Variants in MTSS1 observed in about 807,000 individuals in gnomAD.
The protein encoded by MTSS1 is MTSS I-BAR domain containing 1, also known as protein MTSS 1.
Under a neutral mutation model 79.0 loss-of-function variants are expected in MTSS1, and 18 were observed. That is an observed-to-expected ratio of 0.23 (90% CI 0.16 to 0.34). The LOEUF (loss-of-function observed/expected upper bound fraction) is 0.34, where lower values mean the gene tolerates loss of function less well. MTSS1 is among the 10% of genes least tolerant of loss of function. The probability of loss-of-function intolerance (pLI) is 1.00; values close to 1 mark genes in which losing one functional copy is unlikely to be tolerated. For missense variants in MTSS1, 815 were observed against 986.2 expected, an observed-to-expected ratio of 0.83 and a Z score of 2.33; for synonymous variants, 341 against 368.6, an observed-to-expected ratio of 0.93 and a Z score of 0.86.
intron 2 of MTSS1, among the ~76,000 whole-genome samples, chr8:124,702,585 A>G (rs1587888329): frequency 6.6e-6 from 1 of 152,172 alleles, no homozygotes; most frequent in East Asian, 1.9e-4. Context: ...TTTAGTCTAT[A>G]GGGCACCATG....
intron 3 of MTSS1, among the ~76,000 whole-genome samples, chr8:124,648,141 C>G (rs1819314098): frequency 6.6e-6 from 1 of 152,058 alleles, no homozygotes; most frequent in African/African-American, 2.4e-5. Context: ...CATTTCAAAG[C>G]CTTTTATTAA....
At chr8:124,680,593 T>A (rs1003278111) in intron 3 of MTSS1, among the ~76,000 whole-genome samples, 3 of 152,246 alleles carry the variant, frequency 2.0e-5, no homozygotes, top group Non-Finnish European at 4.4e-5. Context: ...TCTACAGCAC[T>A]AATAGCATAT....
chr8:124,589,048 T>G lies in MTSS1; in HGVS notation c.385+572A>C, dbSNP rs1450555442. 2.0e-5 allele frequency among the ~76,000 whole-genome samples: 3 copies of G among 150,718 alleles called. No homozygotes were observed. The East Asian group carries it at 5.9e-4, about 30-fold the overall frequency. On this transcript the variant is annotated intron_variant, in intron 5 of 13. Coordinates refer to ENST00000518547, the MANE Select transcript of MTSS1 (RefSeq NM_014751.6). ...CTTCTTTTTCTTTTTTTTTGTTTTT[T>G]GAGATGGAGTCTCACTCTGTCGTCC...
At chr8:124,691,547 G>A (rs1827936079) in intron 3 of MTSS1, among the ~76,000 whole-genome samples, 1 of 151,240 alleles carries the variant, frequency 6.6e-6, no homozygotes, top group African/African-American at 2.4e-5. Context: ...ACCAAGTCTT[G>A]CTCTGTTGCC....
chr8:124,661,306 C>T (rs2134382561), intron 3 of MTSS1, among the ~76,000 whole-genome samples: 1 of 151,820 alleles, frequency 6.6e-6, no homozygotes, highest in Admixed American at 6.5e-5. Context: ...TAGACGTGTC[C>T]CTTTATTTTC....
intron 4 of MTSS1, 48 bp downstream of exon 4, chr8:124,591,103 T>A: frequency 6.6e-7 from 1 of 1,514,414 alleles, no homozygotes; most frequent in Non-Finnish European, 9.2e-7. Context: ...TTCCTTAACC[T>A]GAAATCTGCA....
At chr8:124,592,749 A>G (rs115014660) in intron 3 of MTSS1, among the ~76,000 whole-genome samples, 125 of 152,318 alleles carry the variant, frequency 8.2e-4, no homozygotes, top group African/African-American at 2.7e-3. Context: ...GGTTTTCTCA[A>G]TCTGGACAAT....
At position 124,676,844 on chromosome 8, in the gene MTSS1, A is replaced by G. The variant is rs977062710; in HGVS notation, c.208+22682T>C. Among the ~76,000 whole-genome samples the G allele has an allele frequency of 4.1e-4, 63 of 152,158 alleles. 1 individual carries two copies. Among genetic ancestry groups the G allele is most frequent in the Admixed American group, 9.2e-4 (14 of 15,270 alleles). On this transcript the variant is annotated intron_variant, in intron 3 of 13. Coordinates refer to ENST00000518547, the MANE Select transcript of MTSS1 (RefSeq NM_014751.6). ...AGGCCTGCCAGACCCAGTCCCATCA[A>G]TCAGCCAGCCACGGGCACAAAACAC...
chr8:124,589,836 G>A, intron 4 of MTSS1, 125 bp from the exon 5 acceptor site: 1 of 689,058 alleles, frequency 1.5e-6, no homozygotes, highest in Non-Finnish European at 2.5e-6. Flanking sequence ...CTAAACCCCG[G>A]GGCTCCAGAA....
chr8:124,556,056 C>T (rs1444970272), intron 12 of MTSS1, 152 bp from the exon 13 acceptor site: 10 of 1,541,020 alleles, frequency 6.5e-6, no homozygotes, highest in Non-Finnish European at 8.7e-6. Flanking sequence ...TTCTGCCTCT[C>T]TCATTCCCAC....
intron 3 of MTSS1, among the ~76,000 whole-genome samples, chr8:124,617,453 T>C (rs897352602): frequency 1.6e-4 from 25 of 152,238 alleles, no homozygotes; most frequent in African/African-American, 6.0e-4. Context: ...AGTTCTTTCA[T>C]TTCTTATGAG....
chr8:124,662,584 AGACAG>A (rs1431089087), intron 3 of MTSS1, among the ~76,000 whole-genome samples: 2 of 152,102 alleles, frequency 1.3e-5, no homozygotes, highest in Non-Finnish European at 2.9e-5. Context: ...CACCCTCTGA[AGACAG>A]GGTCTAGACA....
chr8:124,727,499 C>G lies in MTSS1; in HGVS notation c.72+385G>C. On this transcript the variant is annotated intron_variant, in intron 1 of 13. Transcript: ENST00000518547. This position sits in a 1 kb window ranked among gnomAD's most constrained non-coding sequence, Gnocchi z 4.7. ...ACCACCGCGCCAGGCGCCCCCACCC[C>G]GTGCCCGGAGGAATCAGGTGTCCTC... 6.5e-6 allele frequency: 3 copies of G among 460,766 alleles called. No individual in the cohort carries two copies. Among genetic ancestry groups the G allele is most frequent in the South Asian group, 4.7e-5 (3 of 63,784 alleles). 28.5% of individuals were successfully genotyped at this position (460,766 alleles called of 1,614,324 possible). A position where few individuals can be genotyped will look rare whatever the true frequency, so the allele number is the denominator to read the frequency against.
Position 124,553,584 on chromosome 8 carries a change from C to A in MTSS1, c.1676G>T (p.Arg559Leu). The A allele has an allele frequency of 6.2e-7, 1 of 1,614,134 alleles. No individual in the cohort carries two copies. The highest frequency in any genetic ancestry group is 8.5e-7 in the Non-Finnish European group (1 of 1,180,018). Reference protein sequence around the residue: ...PRNSDISQSYRRMFQAKRPAS... With the variant: ...PRNSDISQSYLRMFQAKRPAS... ...TGGACGCTTGGCTTGGAACATCCGT[C>A]GGTAGGACTGGCTGATGTCGCTGTT... The change falls in exon 14 of 14, where the codon CGA becomes CTA. Residue 559 changes from arginine to leucine, a missense_variant. Transcript: ENST00000518547. The surrounding 1 kb of genome is among the most constrained non-coding windows in gnomAD (Gnocchi z 6.0).
At chr8:124,723,989 A>G (rs16899965) in intron 1 of MTSS1, among the ~76,000 whole-genome samples, 3,378 of 152,220 alleles carry the variant, frequency 0.022, 146 homozygotes, top group African/African-American at 0.076. Flanking sequence ...CATGACCACC[A>G]TATTGGATTC....
intron 3 of MTSS1, among the ~76,000 whole-genome samples, chr8:124,594,922 A>G (rs1290084198): frequency 6.6e-6 from 1 of 152,272 alleles, no homozygotes; most frequent in East Asian, 1.9e-4. Context: ...CTACAAAGAC[A>G]GAAGACATCT....
At chr8:124,592,165 G>A (rs1373848672) in intron 3 of MTSS1, among the ~76,000 whole-genome samples, 1 of 152,166 alleles carries the variant, frequency 6.6e-6, no homozygotes, top group Non-Finnish European at 1.5e-5. Flanking sequence ...TTGCAGCCCA[G>A]TTTGATTTTC....
At chr8:124,619,688 T>A (rs571130009) in intron 3 of MTSS1, among the ~76,000 whole-genome samples, 3 of 152,148 alleles carry the variant, frequency 2.0e-5, no homozygotes, top group African/African-American at 7.2e-5. Context: ...TTTTTAAAGG[T>A]TTTCTGCAAT....
chr8:124,595,611 G>A (rs1356307862), intron 3 of MTSS1, among the ~76,000 whole-genome samples: 1 of 152,080 alleles, frequency 6.6e-6, no homozygotes, highest in Non-Finnish European at 1.5e-5. Flanking sequence ...GTGATTATGT[G>A]GGACCCACCT....
Sources: gnomAD v4.1 joint callset for allele counts (sites outside exome capture counted in the v4.1 genomes callset) on GRCh38, gnomAD v4.1.1 for gene constraint, Gnocchi (gnomAD v3.1) non-coding constraint, MANE v1.5 for transcripts, NCBI Gene and HGNC (gene_info 2026-07-23, HGNC 2026-07-21) for gene names.